Variants in NDRG3 observed in about 807,000 individuals in gnomAD.
NDRG3 encodes the protein NDRG family member 3.
Under a neutral mutation model 57.2 loss-of-function variants are expected in NDRG3, and 23 were observed. The ratio of observed to expected loss-of-function variants is 0.40; its 90% CI spans 0.29 to 0.57. The LOEUF is 0.57. Ranked by LOEUF, NDRG3 falls within the 20% of genes least tolerant of loss-of-function variation. NDRG3 has a pLI of 0.42. For synonymous variants in NDRG3, 132 were observed against 162.6 expected (o/e 0.81, Z 1.43); for missense variants, 384 against 457.3 (o/e 0.84, Z 1.46).
intron 2 of NDRG3, among the ~76,000 whole-genome samples, chr20:36,717,668 T>C (rs1984353846): frequency 6.6e-6 from 1 of 152,214 alleles, no homozygotes. Context: ...AGAATGTATG[T>C]AAAGCACTTG....
chr20:36,722,226 C>A (rs1984634462), intron 1 of NDRG3, among the ~76,000 whole-genome samples: 1 of 152,156 alleles, frequency 6.6e-6, no homozygotes, highest in African/African-American at 2.4e-5. Flanking sequence ...GAAACTGAGA[C>A]CTTCAGTTCA....
chr20:36,708,140 T>G (rs1256226963), intron 2 of NDRG3, among the ~76,000 whole-genome samples: 1 of 152,002 alleles, frequency 6.6e-6, no homozygotes, highest in African/African-American at 2.4e-5. Context: ...AAAGAAAACT[T>G]CTACTTGATT....
chr20:36,684,864 A>G (rs1229281304), intron 5 of NDRG3, among the ~76,000 whole-genome samples: 1 of 151,850 alleles, frequency 6.6e-6, no homozygotes, highest in Non-Finnish European at 1.5e-5. Context: ...AAAAAAAAAA[A>G]TCTTAGATAA....
chr20:36,669,591 C>G (rs534021278), intron 9 of NDRG3, among the ~76,000 whole-genome samples: 1 of 151,954 alleles, frequency 6.6e-6, no homozygotes, highest in South Asian at 2.1e-4. Flanking sequence ...ACTCGAACTC[C>G]CAACCTTAGG....
At chr20:36,680,194 G>C (rs1176083275) in intron 8 of NDRG3, among the ~76,000 whole-genome samples, 3 of 151,108 alleles carry the variant, frequency 2.0e-5, no homozygotes, top group African/African-American at 7.3e-5. Flanking sequence ...TGAAAGAAAA[G>C]AAACCAGACA....
At chr20:36,693,502 C>T (rs1191180182) in intron 3 of NDRG3, among the ~76,000 whole-genome samples, 1 of 151,806 alleles carries the variant, frequency 6.6e-6, no homozygotes, top group Non-Finnish European at 1.5e-5. Context: ...GTCCCCAACA[C>T]CTGGGCCACA....
chr20:36,689,807 G>A (rs781553631), intron 3 of NDRG3, among the ~76,000 whole-genome samples: 4 of 147,326 alleles, frequency 2.7e-5, no homozygotes, highest in Non-Finnish European at 4.4e-5. Context: ...TGCAAGCTCC[G>A]CCTCCTGGGT....
chr20:36,708,711 A>G (rs1472065745), intron 2 of NDRG3, among the ~76,000 whole-genome samples: 1 of 151,894 alleles, frequency 6.6e-6, no homozygotes, highest in Admixed American at 6.6e-5. Context: ...CACCAACTAC[A>G]CTGCTGGCTG....
intron 2 of NDRG3, among the ~76,000 whole-genome samples, chr20:36,718,176 T>A (rs560745475): frequency 2.0e-5 from 3 of 152,176 alleles, no homozygotes; most frequent in South Asian, 2.1e-4. Context: ...CACAAAACCA[T>A]CCACTTGCTG....
intron 9 of NDRG3, among the ~76,000 whole-genome samples, chr20:36,671,073 C>A (rs571546149): frequency 2.0e-5 from 3 of 152,102 alleles, no homozygotes; most frequent in Non-Finnish European, 2.9e-5. Flanking sequence ...TGGGGAGGCA[C>A]GTGATGTCAA....
intron 8 of NDRG3, among the ~76,000 whole-genome samples, chr20:36,677,595 C>T (rs1980870463): frequency 6.6e-6 from 1 of 152,196 alleles, no homozygotes; most frequent in African/African-American, 2.4e-5. Flanking sequence ...AACCTGCTGG[C>T]AGAGAAGGGC....
Position 36,725,556 on chromosome 20 carries a change from C to T in NDRG3, c.-48-3773G>A, listed in dbSNP as rs187085853. Among the ~76,000 whole-genome samples, 31 of 143,018 alleles carry T rather than the reference C, an allele frequency of 2.2e-4. 1 individual carries two copies. Among genetic ancestry groups the T allele is most frequent in the African/African-American group, 6.6e-4 (25 of 38,070 alleles). The allele number at this position is 143,018 out of a possible 152,430, so 93.8% of individuals were successfully genotyped here. ...GGCAGAAGTTGCAGTGAGCTGAGAT[C>T]GCACCACTGCACTCCAGCCTGGGTG... On this transcript the variant is annotated intron_variant, in intron 1 of 15. Transcript: ENST00000349004.
Position 36,658,838 on chromosome 20 carries a change from C to T in NDRG3, c.858+1499G>A, listed in dbSNP as rs117256928. Among the ~76,000 whole-genome samples, 182 of 152,262 alleles carry T rather than the reference C, an allele frequency of 1.2e-3. 1 individual carries two copies. The East Asian group carries it at 0.03, about 25-fold the overall frequency. ...TATTTGCCCTAAGAGAAAGAAAATGCATCCACCCTCATCATAAGAATTGTT... is the reference window on the plus strand; with the variant it reads ...TATTTGCCCTAAGAGAAAGAAAATGTATCCACCCTCATCATAAGAATTGTT... On this transcript the variant is annotated intron_variant, in intron 13 of 15. Transcript: ENST00000349004.
intron 2 of NDRG3, 32 bp from the exon 3 acceptor site, chr20:36,707,039 T>C (rs1983588421): frequency 6.2e-7 from 1 of 1,609,424 alleles, no homozygotes; most frequent in Non-Finnish European, 8.5e-7. Flanking sequence ...CACAGTCAGT[T>C]TCCCCACATG....
intron 2 of NDRG3, among the ~76,000 whole-genome samples, chr20:36,708,871 T>C (rs1600934600): frequency 6.6e-6 from 1 of 151,848 alleles, no homozygotes; most frequent in Admixed American, 6.6e-5. Flanking sequence ...AAACCCCATC[T>C]CTATTAAAAA....
At position 36,651,986 on chromosome 20, in the gene NDRG3, A is replaced by G. The variant is rs1978314500; in HGVS notation, c.*1534T>C. 1 of 152,200 alleles carries G rather than the reference A, an allele frequency of 6.6e-6. No homozygotes were observed. Among genetic ancestry groups the G allele is most frequent in the Non-Finnish European group, 1.5e-5 (1 of 68,082 alleles). The allele number at this position is 152,200 out of a possible 1,614,324, so 9.4% of individuals were successfully genotyped here. On this transcript the variant is annotated 3_prime_UTR_variant, in exon 16 of 16. Coordinates refer to ENST00000349004, the MANE Select transcript of NDRG3 (RefSeq NM_032013.4). ...GGTCTCCACAATTCTCTCACCCTCC[A>G]GCAATACTCTCTGTCTGGCTGTGAC...
At chr20:36,688,899 A>G (rs1982023534) in intron 3 of NDRG3, 115 bp from the exon 4 acceptor site, 9 of 751,598 alleles carry the variant, frequency 1.2e-5, no homozygotes, top group Admixed American at 6.0e-5. Flanking sequence ...GGACACATTA[A>G]TAAATTACAT....
At chr20:36,726,585 G>A (rs1984948613) in intron 1 of NDRG3, among the ~76,000 whole-genome samples, 1 of 152,140 alleles carries the variant, frequency 6.6e-6, no homozygotes, top group Non-Finnish European at 1.5e-5. Flanking sequence ...GCTCCCTCCT[G>A]GGGATCCAAG....
At chr20:36,743,873 T>TGA (rs1986046476) in intron 1 of NDRG3, among the ~76,000 whole-genome samples, 1 of 148,296 alleles carries the variant, frequency 6.7e-6, no homozygotes, top group East Asian at 2.0e-4. Context: ...AGCTCAATCG[T>TGA]GAGTGCACGT....
Sources: gnomAD v4.1 joint callset for allele counts (sites outside exome capture counted in the v4.1 genomes callset) on GRCh38, gnomAD v4.1.1 for gene constraint, MANE v1.5 for transcripts, NCBI Gene and HGNC (gene_info 2026-07-23, HGNC 2026-07-21) for gene names.